The following SMYD3 variants were observed in gnomAD, a reference collection of about 807,000 sequenced individuals.
SMYD3 encodes SET and MYND domain containing 3.
SMYD3 carries 36 observed loss-of-function variants against 57.7 expected under a neutral mutation model. That is an observed-to-expected ratio of 0.62 (90% CI 0.48 to 0.82). The LOEUF (loss-of-function observed/expected upper bound fraction) is 0.82. Among genes scored for constraint, SMYD3 ranks in the 40% least tolerant of loss-of-function variants. The probability of loss-of-function intolerance (pLI) is 0.00; values close to 1 mark genes in which losing one functional copy is unlikely to be tolerated. For missense variants in SMYD3, 515 were observed against 538.8 expected (o/e 0.96, Z 0.44); for synonymous variants, 211 against 195.0 (o/e 1.08, Z -0.68).
intron 5 of SMYD3, among the ~76,000 whole-genome samples, chr1:246,159,807 T>A (rs946638221): frequency 6.6e-6 from 1 of 151,644 alleles, no homozygotes; most frequent in Non-Finnish European, 1.5e-5. Flanking sequence ...GCTCGCCAGG[T>A]CCTGGAGTGG....
At chr1:246,333,589 A>G (rs1313993563) in intron 3 of SMYD3, among the ~76,000 whole-genome samples, 1 of 152,138 alleles carries the variant, frequency 6.6e-6, no homozygotes, top group Non-Finnish European at 1.5e-5. Flanking sequence ...AACTGGACAA[A>G]GGGCCACCAC....
intron 5 of SMYD3, among the ~76,000 whole-genome samples, chr1:245,965,159 A>G (rs1045765183): frequency 1.3e-5 from 2 of 152,234 alleles, no homozygotes; most frequent in Non-Finnish European, 1.5e-5. Flanking sequence ...TCAACACACA[A>G]TATCTTTTTC....
chr1:245,880,524 G>T (rs1368369098), intron 8 of SMYD3, among the ~76,000 whole-genome samples: 1 of 152,004 alleles, frequency 6.6e-6, no homozygotes, highest in Admixed American at 6.6e-5. Flanking sequence ...ATTTACTGAG[G>T]GTTTATTGTG....
At chr1:245,908,904 G>C (rs983181880) in intron 8 of SMYD3, among the ~76,000 whole-genome samples, 1 of 151,970 alleles carries the variant, frequency 6.6e-6, no homozygotes, top group Non-Finnish European at 1.5e-5. Flanking sequence ...GTATCTCAAG[G>C]AACTAGAAAA....
At chr1:246,256,640 T>C (rs986321679) in intron 5 of SMYD3, among the ~76,000 whole-genome samples, 10 of 152,214 alleles carry the variant, frequency 6.6e-5, no homozygotes, top group Admixed American at 3.9e-4. Flanking sequence ...GTTTTGTTGA[T>C]TATATTAATT....
intron 5 of SMYD3, among the ~76,000 whole-genome samples, chr1:246,221,618 C>T (rs2063255439): frequency 6.6e-6 from 1 of 152,188 alleles, no homozygotes; most frequent in Non-Finnish European, 1.5e-5. Flanking sequence ...AAGCCGCTTG[C>T]AGTGAACCCG....
intron 5 of SMYD3, chr1:246,326,378 T>A: frequency 1.4e-6 from 1 of 699,732 alleles, no homozygotes; most frequent in South Asian, 1.5e-5. Flanking sequence ...CAAGAAGCAA[T>A]CATTTCATGC....
chr1:246,323,248 T>C lies in SMYD3; in HGVS notation c.531+3953A>G, dbSNP rs141096209. On this transcript the variant is annotated intron_variant, in intron 5 of 11. Transcript: ENST00000490107. ...AGAAAACTCCACAATCAAACTCCAA[T>C]TGCTATTAGGGTGTGTGTGTATTAA... Among the ~76,000 whole-genome samples the C allele has an allele frequency of 9.9e-5, 15 of 152,252 alleles. No individual in the cohort carries two copies. In the East Asian group the frequency reaches 1.5e-3, roughly 16 times the overall value.
rs2065588328 is a variant in SMYD3, at chr1:246,339,035, C to A, written c.229-3561G>T. Among the ~76,000 whole-genome samples, 3 of 152,108 alleles carry A rather than the reference C, an allele frequency of 2.0e-5. No individual in the cohort carries two copies. In the South Asian group the frequency reaches 6.2e-4, roughly 32 times the overall value. The stretch of plus-strand genomic sequence containing the variant: ...GAAAACTTGTTTATAATTGTCTGAG[C>A]CTAGAACTAAATCTCCTTTTACATT... On this transcript the variant is annotated intron_variant, in intron 2 of 11. Transcript: ENST00000490107.
At chr1:246,334,701 C>A (rs1368055324) in intron 3 of SMYD3, among the ~76,000 whole-genome samples, 1 of 151,994 alleles carries the variant, frequency 6.6e-6, no homozygotes, top group African/African-American at 2.4e-5. Context: ...GCACATGTAC[C>A]CCCTGAATCT....
chr1:246,353,384 C>A (rs374785388), intron 2 of SMYD3, among the ~76,000 whole-genome samples: 84 of 151,956 alleles, frequency 5.5e-4, no homozygotes, highest in African/African-American at 2.0e-3. Context: ...TTTTAAATTA[C>A]CTGGCCATGG....
At chr1:246,132,035 T>G (rs1210170360) in intron 5 of SMYD3, among the ~76,000 whole-genome samples, 2 of 152,156 alleles carry the variant, frequency 1.3e-5, no homozygotes. Context: ...AATTCAATTT[T>G]TAGCACTATC....
chr1:246,424,710 C>T (rs1282199365), intron 1 of SMYD3, among the ~76,000 whole-genome samples: 1 of 152,174 alleles, frequency 6.6e-6, no homozygotes, highest in Non-Finnish European at 1.5e-5. Flanking sequence ...TATCTTCTCA[C>T]TCAAATAAGT....
chr1:246,316,541 G>GTTTTTT (rs112553747), intron 5 of SMYD3, among the ~76,000 whole-genome samples: 6 of 107,340 alleles, frequency 5.6e-5, no homozygotes, highest in Non-Finnish European at 1.1e-4. Flanking sequence ...TGTTGTTTTG[G>GTTTTTT]TTTTTTTTTT....
intron 5 of SMYD3, chr1:246,186,738 CTTACAATA>C (rs1161208569): frequency 1.0e-6 from 1 of 985,172 alleles, no homozygotes; most frequent in Non-Finnish European, 1.2e-6. Flanking sequence ...CCTCTGAATA[CTTACAATA>C]ATCCCACCAG....
In SMYD3 at chr1:246,118,776, C is replaced by T. The variant is rs572660106; in HGVS notation, c.532-188839G>A. On this transcript the variant is annotated intron_variant, in intron 5 of 11. Transcript: ENST00000490107. Reference sequence around the variant, plus strand: ...TAAAGAGAAGTGTTGTATGAAACTTCACCAGAACTTAAACTTAAAAGGTAT... The same window carrying T: ...TAAAGAGAAGTGTTGTATGAAACTTTACCAGAACTTAAACTTAAAAGGTAT... 3.3e-5 allele frequency among the ~76,000 whole-genome samples: 5 copies of T among 150,640 alleles called. No homozygotes were observed. In the South Asian group the frequency reaches 1.1e-3, roughly 32 times the overall value.
At chr1:245,799,804 G>A (rs544738895) in intron 10 of SMYD3, among the ~76,000 whole-genome samples, 1 of 151,672 alleles carries the variant, frequency 6.6e-6, no homozygotes, top group African/African-American at 2.4e-5. Flanking sequence ...CTGTCCATCT[G>A]CCCACCTCAT....
intron 10 of SMYD3, among the ~76,000 whole-genome samples, chr1:245,793,050 C>T: frequency 7.0e-6 from 1 of 143,836 alleles, no homozygotes; most frequent in Admixed American, 7.1e-5. Flanking sequence ...GTGGCTCATG[C>T]CTGTAATCCC....
At chr1:246,458,271 C>T (rs12039308) in intron 1 of SMYD3, among the ~76,000 whole-genome samples, 3 of 152,034 alleles carry the variant, frequency 2.0e-5, no homozygotes, top group Admixed American at 6.6e-5. Context: ...GTATTCAGGT[C>T]TTCCATCTCA....
Sources: allele counts gnomAD v4.1 joint callset (sites outside exome capture counted in the v4.1 genomes callset), GRCh38; gene constraint gnomAD v4.1.1; transcripts MANE v1.5; gene names NCBI Gene and HGNC (gene_info 2026-07-23, HGNC 2026-07-21).